The following MARF1 variants were observed in gnomAD, a reference collection of about 807,000 sequenced individuals.
MARF1 encodes the protein meiosis regulator and mRNA stability factor 1.
A neutral mutation model predicts 168.2 loss-of-function variants in MARF1; 24 were observed. The ratio of observed to expected loss-of-function variants is 0.14; its 90% confidence interval spans 0.10 to 0.20. The LOEUF (loss-of-function observed/expected upper bound fraction) is 0.20, where lower values mean the gene tolerates loss of function less well. Among genes scored for constraint, MARF1 ranks in the 10% least tolerant of loss-of-function variants. MARF1 has a pLI of 1.00. For missense variants in MARF1, 1,744 were observed against 2,143.6 expected (o/e 0.81, Z 3.68); for synonymous variants, 868 against 822.4 (o/e 1.06, Z -0.95).
At position 15,617,354 on chromosome 16, in the gene MARF1, C is replaced by T. The variant is rs202216269; in HGVS notation, c.2902G>A (p.Glu968Lys). ...CAGACAGGCTCGTGATATTCTAACTCTTCAAATATAATTGGGCTGCAATTC... is the reference window on the plus strand; with the variant it reads ...CAGACAGGCTCGTGATATTCTAACTTTTCAAATATAATTGGGCTGCAATTC... The part of the protein sequence containing the change: ...STNCSPIIFE[E>K]LEYHEPVCRQ... The change falls in exon 14 of 27, where the codon GAG becomes AAG. Residue 968 changes from glutamate to lysine, a missense_variant. Glu to Lys is a moderately conservative substitution (Grantham distance 56). Coordinates refer to ENST00000396368, the MANE Select transcript of MARF1 (RefSeq NM_014647.4). 1.2e-6 allele frequency: 2 copies of T among 1,614,176 alleles called. No homozygotes were observed. Among genetic ancestry groups the T allele is most frequent in the Non-Finnish European group, 1.7e-6 (2 of 1,180,032 alleles).
chr16:15,641,147 A>G (rs2035924259), intron 1 of MARF1, among the ~76,000 whole-genome samples: 1 of 152,116 alleles, frequency 6.6e-6, no homozygotes, highest in African/African-American at 2.4e-5. Context: ...AAATGTGGCT[A>G]ATTTCTCCCC....
Position 15,600,698 on chromosome 16 carries a change from C to G in MARF1, c.4630G>C (p.Val1544Leu), listed in dbSNP as rs777746627. ...EELLGAIPQV[V>L]WIKGHGHKRI... ...TTATGACCATGTCCTTTTATCCAGA[C>G]CACCTGCACACAAGACATACTACTG... The change falls in exon 24 of 27, where the codon GTC (valine) becomes CTC (leucine). Residue 1544 changes from valine (V) to leucine (L), a missense_variant. By Grantham distance (32) the Val-to-Leu change is conservative. This residue lies in a region of MARF1 where 313 missense variants were observed against 337.4 expected (regional missense o/e 0.93). Coordinates refer to ENST00000396368, the MANE Select transcript of MARF1 (RefSeq NM_014647.4). 3 of 1,613,694 alleles carry G rather than the reference C, an allele frequency of 1.9e-6. No homozygotes were observed. Among genetic ancestry groups the G allele is most frequent in the Non-Finnish European group, 2.5e-6 (3 of 1,179,982 alleles).
intron 22 of MARF1, among the ~76,000 whole-genome samples, chr16:15,603,212 G>C (rs938483115): frequency 6.6e-6 from 1 of 152,122 alleles, no homozygotes; most frequent in Non-Finnish European, 1.5e-5. Flanking sequence ...TAAATTGCTG[G>C]AGCTCATTTG....
At position 15,617,334 on chromosome 16, in the gene MARF1, A is replaced by G; in HGVS notation, c.2922T>C (p.Pro974=). Residue 974 remains proline (P), a synonymous_variant, in exon 14 of 27, where the codon CCT becomes CCC. Coordinates refer to ENST00000396368, the MANE Select transcript of MARF1 (RefSeq NM_014647.4). ...IIFEELEYHE[P]VCRQHCSNKD... ...TATTGGAACAATGCTGTCTGCAGAC[A>G]GGCTCGTGATATTCTAACTCTTCAA... The G allele has an allele frequency of 1.2e-6, 2 of 1,614,178 alleles. No homozygotes were observed. Among genetic ancestry groups the G allele is most frequent in the Non-Finnish European group, 1.7e-6 (2 of 1,180,004 alleles).
chr16:15,608,151 G>A, intron 21 of MARF1, 140 bp downstream of exon 21: 1 of 622,720 alleles, frequency 1.6e-6, no homozygotes. Flanking sequence ...CACAAAACGA[G>A]TCATAATGCT....
chr16:15,609,605 T>C lies in MARF1; in HGVS notation c.3872A>G (p.His1291Arg). ...CGCAAGTTTGCACTGCCGGCCAAAG[T>C]GGTGATGGTAAGAAGGGATAAATTT... ...FNKFIPSYHH[H>R]FGRQCKLAYY... The change falls in exon 20 of 27, where the codon CAC (histidine) becomes CGC (arginine). Residue 1291 changes from histidine (H) to arginine (R), a missense_variant. By Grantham distance (29) the His-to-Arg change is conservative. This residue lies in a region of MARF1 where 543 missense variants were observed against 742.1 expected (regional missense o/e 0.73). Transcript: ENST00000396368. 2 of 1,614,170 alleles carry C rather than the reference T, an allele frequency of 1.2e-6. No individual in the cohort carries two copies. Among genetic ancestry groups the C allele is most frequent in the Non-Finnish European group, 1.7e-6 (2 of 1,180,020 alleles).
intron 17 of MARF1, among the ~76,000 whole-genome samples, chr16:15,612,056 G>A (rs566820001): frequency 7.6e-4 from 115 of 152,316 alleles, no homozygotes; most frequent in Non-Finnish European, 1.4e-3. Flanking sequence ...AGACAAATTG[G>A]TCTACAAGTT....
At chr16:15,615,716 C>T (rs1023976263) in intron 16 of MARF1, 114 bp downstream of exon 16, 3 of 673,486 alleles carry the variant, frequency 4.5e-6, no homozygotes, top group African/African-American at 3.7e-5. Flanking sequence ...AGGACACATC[C>T]ATGGTGTTTT....
chr16:15,636,198 G>T lies in MARF1; in HGVS notation c.289C>A (p.Pro97Thr). ...QQPKIQLSSV[P>T]KVSCCAHCPN... ...CAATGAGCACAGCAGCTTACTTTGG[G>T]GACAGAAGAAAGCTGTATTTTAGGC... Residue 97 changes from proline (P) to threonine (T), a missense_variant, in exon 3 of 27, where the codon CCC becomes ACC. Pro to Thr is a conservative substitution (Grantham distance 38). Transcript: ENST00000396368. The T allele has an allele frequency of 6.2e-7, 1 of 1,614,178 alleles. No individual in the cohort carries two copies.
chr16:15,602,351 T>C (rs1033203172), intron 22 of MARF1, 148 bp from the exon 23 acceptor site: 2 of 648,340 alleles, frequency 3.1e-6, no homozygotes, highest in East Asian at 2.7e-5. Flanking sequence ...AAGATGAAGA[T>C]GAAGAAGGAG....
intron 13 of MARF1, 51 bp from the exon 14 acceptor site, chr16:15,617,586 T>C: frequency 1.6e-6 from 2 of 1,226,096 alleles, no homozygotes; most frequent in Non-Finnish European, 2.3e-6. Context: ...TCTTTGATTA[T>C]ACAGAAACAC....
chr16:15,626,077 AC>A (rs1297787042), intron 7 of MARF1, among the ~76,000 whole-genome samples: 1 of 152,162 alleles, frequency 6.6e-6, no homozygotes, highest in East Asian at 1.9e-4. Context: ...GGCTGGAGTG[AC>A]TGTGCCACTG....
Position 15,600,665 on chromosome 16 carries a change from C to T in MARF1, c.4663G>A (p.Val1555Ile). ...CTTTTCATGTCATTTTTTAACACTA[C>T]AATTCTCTTATGACCATGTCCTTTT... ...WIKGHGHKRIVVLKNDMKSRL... is the reference protein window; with the variant it reads ...WIKGHGHKRIIVLKNDMKSRL... The change falls in exon 24 of 27, where the codon GTA becomes ATA. Residue 1555 changes from valine (V) to isoleucine (I), a missense_variant. By Grantham distance (29) the Val-to-Ile change is conservative (BLOSUM62 3). Coordinates refer to ENST00000396368, the MANE Select transcript of MARF1 (RefSeq NM_014647.4). The T allele has an allele frequency of 6.2e-7, 1 of 1,613,844 alleles. No homozygotes were observed. The highest frequency in any genetic ancestry group is 8.5e-7 in the Non-Finnish European group (1 of 1,180,036).
At chr16:15,635,344 G>C (rs1324204994) in intron 3 of MARF1, 4 of 432,204 alleles carry the variant, frequency 9.3e-6, no homozygotes, top group Non-Finnish European at 1.6e-5. Flanking sequence ...TAAGCTGAAT[G>C]TAAGTTATAA....
intron 20 of MARF1, 82 bp downstream of exon 20, chr16:15,609,441 A>G (rs1188893940): frequency 1.7e-6 from 2 of 1,186,238 alleles, no homozygotes; most frequent in Non-Finnish European, 2.4e-6. Context: ...ACTTCCCAGA[A>G]AAACAGGTCT....
At chr16:15,635,598 CAA>C (rs34376746) in intron 3 of MARF1, 56 bp downstream of exon 3, 4 of 1,464,808 alleles carry the variant, frequency 2.7e-6, no homozygotes, top group Non-Finnish European at 3.8e-6. Context: ...AAATCCACTT[CAA>C]AAGTCATTCC....
chr16:15,631,516 A>T lies in MARF1; in HGVS notation c.1234-18T>A, dbSNP rs1206009112. On this transcript the variant is annotated intron_variant, in intron 5 of 26. Coordinates refer to ENST00000396368, the MANE Select transcript of MARF1 (RefSeq NM_014647.4). ...ACGGTTACCTGCATTAATTTATAAT[A>T]AGGGTGAATAAGCAGGAGCTGAGGC... The T allele has an allele frequency of 6.5e-7, 1 of 1,541,482 alleles. No homozygotes were observed. The highest frequency in any genetic ancestry group is 9.0e-7 in the Non-Finnish European group (1 of 1,117,046).
In MARF1 at chr16:15,601,674, C is replaced by T. The variant is rs187421767; in HGVS notation, c.4626+317G>A. 1,362 of 442,190 alleles carry T rather than the reference C, an allele frequency of 3.1e-3. 19 individuals carry two copies. Among genetic ancestry groups the T allele is most frequent in the South Asian group, 0.024 (820 of 34,684 alleles). The allele number at this position is 442,190 out of a possible 1,614,324, so 27.4% of individuals were successfully genotyped here. A position where few individuals can be genotyped will look rare whatever the true frequency, so the allele number is the denominator to read the frequency against. ...GGGAAGTGGGCCCTGACACGGCCCT[C>T]CTCAGCGCGCCCACTGCCCTGACCG... On this transcript the variant is annotated intron_variant, in intron 23 of 26. Transcript: ENST00000396368.
At position 15,636,337 on chromosome 16, in the gene MARF1, CTCTT is replaced by C; in HGVS notation, c.146_149del (p.Lys49SerfsTer12). 1.3e-6 allele frequency: 2 copies of C among 1,536,330 alleles called. No individual in the cohort carries two copies. Among genetic ancestry groups the C allele is most frequent in the South Asian group, 1.3e-5 (1 of 79,076 alleles). On this transcript the variant is annotated frameshift_variant and splice_region_variant, in exon 3 of 27. Coordinates refer to ENST00000396368, the MANE Select transcript of MARF1 (RefSeq NM_014647.4). LOFTEE classifies it high-confidence loss of function. ...CAGCAACTTTCTTGTTCTCCATGTA[CTCTT>C]TCTGAGAAAAGAAAATCAGAACATA... is the stretch of plus-strand genomic sequence containing the variant.
Sources: gnomAD v4.1 joint callset for allele counts (sites outside exome capture counted in the v4.1 genomes callset) on GRCh38, gnomAD v4.1.1 for gene constraint, gnomAD v4.1.1 regional missense constraint, MANE v1.5 for transcripts, NCBI Gene and HGNC (gene_info 2026-07-23, HGNC 2026-07-21) for gene names.